The following CAB39 variants were observed in gnomAD, a reference collection of about 807,000 sequenced individuals.
The protein encoded by CAB39 is calcium binding protein 39.
A neutral mutation model predicts 40.0 loss-of-function variants in CAB39; 8 were observed. The ratio of observed to expected loss-of-function variants is 0.20; its 90% confidence interval spans 0.12 to 0.36. The LOEUF is 0.36. CAB39 is among the 10% of genes least tolerant of loss of function. CAB39 has a pLI of 1.00. For missense variants in CAB39, 270 were observed against 401.1 expected (o/e 0.67, Z 2.79); for synonymous variants, 156 against 141.6 (o/e 1.10, Z -0.72).
intron 1 of CAB39, among the ~76,000 whole-genome samples, chr2:230,759,276 G>T (rs1695248284): frequency 6.6e-6 from 1 of 152,310 alleles, no homozygotes; most frequent in East Asian, 1.9e-4. Context: ...CCGAGGAAGT[G>T]TGTGCCATAT....
intron 1 of CAB39, chr2:230,752,263 T>C (rs1695103820): frequency 6.7e-6 from 1 of 150,304 alleles, no homozygotes; most frequent in South Asian, 2.1e-4. Flanking sequence ...AAAAAAAATA[T>C]TTCAATGGTC....
At chr2:230,781,660 G>A (rs1490763918) in intron 2 of CAB39, among the ~76,000 whole-genome samples, 1 of 152,108 alleles carries the variant, frequency 6.6e-6, no homozygotes, top group Non-Finnish European at 1.5e-5. Context: ...TGGAGGAGCT[G>A]TAAGTGTGAA....
At chr2:230,804,195 A>G (rs1014614179) in intron 5 of CAB39, among the ~76,000 whole-genome samples, 4 of 152,274 alleles carry the variant, frequency 2.6e-5, no homozygotes, top group African/African-American at 9.6e-5. Context: ...CTGGCTAGCC[A>G]TGTGTAGAAA....
intron 2 of CAB39, chr2:230,779,144 A>G (rs1695645212): frequency 6.6e-6 from 1 of 152,232 alleles, no homozygotes; most frequent in Admixed American, 6.5e-5. Context: ...AGTTGTTATC[A>G]TTTGATCATA....
At chr2:230,804,076 G>A (rs1696144079) in intron 5 of CAB39, among the ~76,000 whole-genome samples, 1 of 152,112 alleles carries the variant, frequency 6.6e-6, no homozygotes, top group African/African-American at 2.4e-5. Context: ...ACAGAACAGA[G>A]GCCTCAGAAA....
chr2:230,781,594 G>T (rs969388839), intron 2 of CAB39, among the ~76,000 whole-genome samples: 2 of 152,190 alleles, frequency 1.3e-5, no homozygotes, highest in African/African-American at 4.8e-5. Flanking sequence ...TGGTCATTAA[G>T]GGTTCAGTGG....
rs770702009 is a variant in CAB39, at chr2:230,790,833, G to C, written c.115-39G>C. 12 of 1,544,558 alleles carry C rather than the reference G, an allele frequency of 7.8e-6. No individual in the cohort carries two copies. In the South Asian group the frequency reaches 1.4e-4, roughly 18 times the overall value. On this transcript the variant is annotated intron_variant, in intron 2 of 8. Coordinates refer to ENST00000258418, the MANE Select transcript of CAB39 (RefSeq NM_016289.4). ...TGTTATATGTTTGTTAAAATGAATT[G>C]TTTTTTCTCCTCTTCCCAACTCCTC...
At chr2:230,775,265 C>G (rs796320822) in intron 2 of CAB39, among the ~76,000 whole-genome samples, 9 of 149,548 alleles carry the variant, frequency 6.0e-5, no homozygotes, top group African/African-American at 2.2e-4. Flanking sequence ...GAAACAGACT[C>G]TAGCTCTGTT....
At chr2:230,783,440 C>G (rs62193636) in intron 2 of CAB39, among the ~76,000 whole-genome samples, 2 of 56,382 alleles carry the variant, frequency 3.5e-5, no homozygotes, top group African/African-American at 5.4e-5. Flanking sequence ...CTGTTCTTGT[C>G]TAGTTTTGTT....
chr2:230,778,919 A>G (rs903698222), intron 2 of CAB39: 1 of 151,996 alleles, frequency 6.6e-6, no homozygotes, highest in Non-Finnish European at 1.5e-5. Flanking sequence ...GTGGGACCAC[A>G]GTTGTCTCTG....
In CAB39 at chr2:230,754,665, C is replaced by T. The variant is rs111523260; in HGVS notation, c.-43-5294C>T. On this transcript the variant is annotated intron_variant, in intron 1 of 8. Coordinates refer to ENST00000258418, the MANE Select transcript of CAB39 (RefSeq NM_016289.4). Reference sequence around the variant, plus strand: ...CCCCTAGTAGCTGGGATTACAGGCACGAACCACCATGCACAGCTAATTTTT... The same window carrying T: ...CCCCTAGTAGCTGGGATTACAGGCATGAACCACCATGCACAGCTAATTTTT... Among the ~76,000 whole-genome samples, 1,318 of 152,218 alleles carry T rather than the reference C, an allele frequency of 8.7e-3. 21 individuals carry two copies. Among genetic ancestry groups the T allele is most frequent in the African/African-American group, 0.028 (1,181 of 41,512 alleles).
Position 230,798,745 on chromosome 2 carries a change from A to G in CAB39, c.415A>G (p.Ile139Val). Residue 139 changes from isoleucine (I) to valine (V), a missense_variant, in exon 5 of 9, where the codon ATA (isoleucine) becomes GTA (valine). Coordinates refer to ENST00000258418, the MANE Select transcript of CAB39 (RefSeq NM_016289.4). ...MLLKGYESPE[I>V]ALNCGIMLRE... Reference sequence around the variant, plus strand: ...TTTTTGCAGGTATGAATCTCCAGAAATAGCTCTAAATTGTGGAATAATGTT... The same window carrying G: ...TTTTTGCAGGTATGAATCTCCAGAAGTAGCTCTAAATTGTGGAATAATGTT... The G allele has an allele frequency of 3.2e-6, 5 of 1,584,482 alleles. No individual in the cohort carries two copies. The highest frequency in any genetic ancestry group is 4.3e-6 in the Non-Finnish European group (5 of 1,165,206).
At chr2:230,801,365 G>A (rs568011502) in intron 5 of CAB39, among the ~76,000 whole-genome samples, 2 of 152,210 alleles carry the variant, frequency 1.3e-5, no homozygotes, top group Non-Finnish European at 2.9e-5. Context: ...GACAAGGAGG[G>A]ACACGTTGCT....
chr2:230,802,622 A>G (rs548236508), intron 5 of CAB39, among the ~76,000 whole-genome samples: 128 of 152,342 alleles, frequency 8.4e-4, no homozygotes, highest in Non-Finnish European at 1.6e-3. Flanking sequence ...AGAGAATACC[A>G]TAAACACCTC....
At chr2:230,729,488 C>T (rs1241191031) in intron 1 of CAB39, among the ~76,000 whole-genome samples, 2 of 151,932 alleles carry the variant, frequency 1.3e-5, no homozygotes, top group Non-Finnish European at 2.9e-5. Context: ...TGGTGGCTCA[C>T]GCCTGGAATC....
chr2:230,725,042 C>G, intron 1 of CAB39: 1 of 1,400,074 alleles, frequency 7.1e-7, no homozygotes, highest in Non-Finnish European at 1.0e-6. Flanking sequence ...GAGGTGAGTA[C>G]AACAATAGCA....
At chr2:230,715,031 C>T (rs1694324042) in intron 1 of CAB39, among the ~76,000 whole-genome samples, 1 of 152,190 alleles carries the variant, frequency 6.6e-6, no homozygotes, top group Non-Finnish European at 1.5e-5. Context: ...AATCTTACCA[C>T]TTAGATTTGG....
Position 230,814,198 on chromosome 2 carries a change from G to A in CAB39, c.693+84G>A, listed in dbSNP as rs1216567882. The A allele has an allele frequency of 1.1e-5, 8 of 721,370 alleles. 1 individual carries two copies. In the South Asian group the frequency reaches 1.1e-4, roughly 10 times the overall value. The allele number at this position is 721,370 out of a possible 1,614,324, so 44.7% of individuals were successfully genotyped here. A position where few individuals can be genotyped will look rare whatever the true frequency, so the allele number is the denominator to read the frequency against. On this transcript the variant is annotated intron_variant, in intron 7 of 8. Coordinates refer to ENST00000258418, the MANE Select transcript of CAB39 (RefSeq NM_016289.4). ...TTGGGGAAAGGGAGATGTGCAGGAT[G>A]GGTCATAGACCTTTGGGGGAAATAA...
At chr2:230,781,987 C>T (rs149513365) in intron 2 of CAB39, among the ~76,000 whole-genome samples, 614 of 152,306 alleles carry the variant, frequency 4.0e-3, no homozygotes, top group Non-Finnish European at 6.7e-3. Flanking sequence ...GACTCAGCCT[C>T]CCAAGTAGCC....
Sources: allele counts gnomAD v4.1 joint callset (sites outside exome capture counted in the v4.1 genomes callset), GRCh38; gene constraint gnomAD v4.1.1; transcripts MANE v1.5; gene names NCBI Gene and HGNC (gene_info 2026-07-23, HGNC 2026-07-21).